The following EYS variants were observed in gnomAD, a reference collection of about 807,000 sequenced individuals.
EYS encodes EGF-like photoreceptor maintenance factor, also known as protein eyes shut homolog.
A neutral mutation model predicts 282.1 loss-of-function variants in EYS; 250 were observed. The observed-to-expected ratio is 0.89, with a 90% CI of 0.80 to 0.98. The LOEUF is 0.98. Ranked by LOEUF, EYS falls within the 50% of genes least tolerant of loss-of-function variation. The probability of loss-of-function intolerance (pLI) is 0.00; values close to 1 mark genes in which losing one functional copy is unlikely to be tolerated. For synonymous variants in EYS, 1,355 were observed against 1,282.9 expected, an observed-to-expected ratio of 1.06 and a Z score of -1.20; for missense variants, 4,016 against 3,709.0, an observed-to-expected ratio of 1.08 and a Z score of -2.15.
chr6:64,278,124 T>C (rs558179137), intron 30 of EYS, among the ~76,000 whole-genome samples: 1 of 152,210 alleles, frequency 6.6e-6, no homozygotes, highest in East Asian at 1.9e-4. Flanking sequence ...AAAATGTAAT[T>C]GGATGCCTTA....
At chr6:64,807,995 T>A (rs1017309929) in intron 22 of EYS, among the ~76,000 whole-genome samples, 7 of 77,108 alleles carry the variant, frequency 9.1e-5, no homozygotes, top group Admixed American at 3.3e-4. Flanking sequence ...CGTCCTTCCC[T>A]TACTTCCTTC....
At chr6:63,800,398 T>C (rs1018354202) in intron 37 of EYS, among the ~76,000 whole-genome samples, 2 of 152,216 alleles carry the variant, frequency 1.3e-5, no homozygotes, top group African/African-American at 4.8e-5. Flanking sequence ...TGACAGCCAC[T>C]ATTGATATAA....
intron 12 of EYS, among the ~76,000 whole-genome samples, chr6:65,203,549 A>G (rs561225611): frequency 3.3e-5 from 5 of 152,204 alleles, no homozygotes; most frequent in Admixed American, 2.0e-4. Context: ...CATGTGCAAC[A>G]GTCACACTCT....
intron 4 of EYS, among the ~76,000 whole-genome samples, chr6:65,491,071 A>G (rs972902312): frequency 6.6e-6 from 1 of 152,128 alleles, no homozygotes; most frequent in Non-Finnish European, 1.5e-5. Flanking sequence ...ATAATTTACA[A>G]AATGACACAT....
chr6:65,066,099 C>CCACA (rs1274862434), intron 12 of EYS, among the ~76,000 whole-genome samples: 1 of 152,100 alleles, frequency 6.6e-6, no homozygotes, highest in Non-Finnish European at 1.5e-5. Context: ...ATTTTCAAAG[C>CCACA]CACAGCATCT....
At chr6:64,346,336 A>T (rs1032710048) in intron 29 of EYS, among the ~76,000 whole-genome samples, 1 of 152,108 alleles carries the variant, frequency 6.6e-6, no homozygotes, top group Non-Finnish European at 1.5e-5. Flanking sequence ...GATTAAGAAA[A>T]TGTGTCACAT....
chr6:64,320,661 A>G (rs1770182460), intron 29 of EYS, among the ~76,000 whole-genome samples: 1 of 143,594 alleles, frequency 7.0e-6, no homozygotes, highest in Non-Finnish European at 1.5e-5. Context: ...AATCTCTATG[A>G]TTTCTTTCCT....
chr6:65,271,128 T>TATATATATATATATATATA (rs1554174612), intron 12 of EYS, among the ~76,000 whole-genome samples: 9 of 55,784 alleles, frequency 1.6e-4, no homozygotes, highest in South Asian at 8.0e-4. Context: ...AATCAATAGA[T>TATATATATATATATATATA]TATATATATA....
rs554624613 is a variant in EYS at position 65,442,953 on chromosome 6, C to T, written c.863-37586G>A. Among the ~76,000 whole-genome samples, 4 of 142,134 alleles carry T rather than the reference C, an allele frequency of 2.8e-5. 1 individual carries two copies. Among genetic ancestry groups the T allele is most frequent in the African/African-American group, 4.9e-5 (2 of 40,408 alleles). 93.2% of individuals were successfully genotyped at this position (142,134 alleles called of 152,430 possible). A position where few individuals can be genotyped will look rare whatever the true frequency, so the allele number is the denominator to read the frequency against. ...ATATGTATATACGTATATACATGCA[C>T]ATACATATGTACATATATGTATATA... On this transcript the variant is annotated intron_variant, in intron 5 of 42. Transcript: ENST00000503581.
At chr6:65,639,189 T>C (rs1300287021) in intron 2 of EYS, among the ~76,000 whole-genome samples, 1 of 152,088 alleles carries the variant, frequency 6.6e-6, no homozygotes, top group Non-Finnish European at 1.5e-5. Flanking sequence ...TGAGAATGTA[T>C]GATTAAGATA....
intron 12 of EYS, among the ~76,000 whole-genome samples, chr6:65,251,212 C>A (rs1562050419): frequency 6.6e-6 from 1 of 150,412 alleles, no homozygotes; most frequent in South Asian, 2.1e-4. Context: ...TATCTTCCAA[C>A]AAAAAAATTA....
intron 35 of EYS, among the ~76,000 whole-genome samples, chr6:63,874,522 A>G (rs1279767356): frequency 6.6e-6 from 1 of 152,096 alleles, no homozygotes; most frequent in South Asian, 2.1e-4. Flanking sequence ...TTTTTTTCCA[A>G]TTCTGTGAAG....
chr6:65,443,204 T>A (rs936453043), intron 5 of EYS, among the ~76,000 whole-genome samples: 1 of 151,810 alleles, frequency 6.6e-6, no homozygotes, highest in Non-Finnish European at 1.5e-5. Flanking sequence ...TGCGCACATA[T>A]ATGTATGCAT....
intron 1 of EYS, among the ~76,000 whole-genome samples, chr6:65,692,233 A>G (rs1376215931): frequency 6.7e-6 from 1 of 150,218 alleles, no homozygotes; most frequent in East Asian, 2.3e-4. Context: ...GTGAACATAG[A>G]GCGTGGAATA....
At chr6:63,818,951 T>A (rs888766942) in intron 36 of EYS, among the ~76,000 whole-genome samples, 1 of 152,262 alleles carries the variant, frequency 6.6e-6, no homozygotes, top group African/African-American at 2.4e-5. Context: ...TCTTGAATTC[T>A]TATAAAAACA....
At chr6:63,978,510 A>G (rs1330001287) in intron 35 of EYS, among the ~76,000 whole-genome samples, 1 of 152,022 alleles carries the variant, frequency 6.6e-6, no homozygotes, top group East Asian at 1.9e-4. Context: ...GTGGTAAGAA[A>G]TTGATCTGAA....
intron 35 of EYS, among the ~76,000 whole-genome samples, chr6:63,938,304 T>C (rs941886107): frequency 6.6e-6 from 1 of 152,096 alleles, no homozygotes; most frequent in Non-Finnish European, 1.5e-5. Context: ...GCCCATGAAA[T>C]ATGGTTAAAA....
intron 9 of EYS, among the ~76,000 whole-genome samples, chr6:65,352,478 C>T (rs1454562666): frequency 1.3e-5 from 2 of 151,782 alleles, no homozygotes; most frequent in Non-Finnish European, 2.9e-5. Flanking sequence ...AAATTAAGCT[C>T]ATCAAAATAG....
chr6:64,337,152 C>A (rs577682014), intron 29 of EYS, among the ~76,000 whole-genome samples: 6 of 151,596 alleles, frequency 4.0e-5, no homozygotes, highest in African/African-American at 1.5e-4. Flanking sequence ...GAAATTGAAA[C>A]AACAACAACA....
Sources: allele counts gnomAD v4.1 joint callset (sites outside exome capture counted in the v4.1 genomes callset), GRCh38; gene constraint gnomAD v4.1.1; transcripts MANE v1.5; gene names NCBI Gene and HGNC (gene_info 2026-07-23, HGNC 2026-07-21).